Variants in LONRF2 observed in about 807,000 individuals in gnomAD.
LONRF2 encodes LON peptidase N-terminal domain and ring finger 2, also known as LON peptidase N-terminal domain and RING finger protein 2.
In LONRF2, 35 loss-of-function variants were observed where a neutral mutation model predicts 66.6. The observed-to-expected ratio is 0.53, with a 90% CI of 0.40 to 0.70. The LOEUF (loss-of-function observed/expected upper bound fraction) is 0.70. Ranked by LOEUF, LONRF2 falls within the 30% of genes least tolerant of loss-of-function variation. The pLI, the probability that LONRF2 is intolerant of heterozygous loss-of-function variation, is 0.00. For missense variants in LONRF2, 902 were observed against 1,002.1 expected (o/e 0.90, Z 1.35); for synonymous variants, 417 against 418.1 (o/e 1.00, Z 0.03).
In LONRF2 at chr2:100,276,032, T is replaced by C. The variant is rs2105705293; in HGVS notation, c.*8266A>G. 1 of 152,290 alleles carries C rather than the reference T, an allele frequency of 6.6e-6. No homozygotes were observed. Among genetic ancestry groups the C allele is most frequent in the Admixed American group, 6.5e-5 (1 of 15,302 alleles). The allele number at this position is 152,290 out of a possible 1,614,324, so 9.4% of individuals were successfully genotyped here. ...ATGCAGCTAAACGGAAGGTCCCTAA[T>C]CTGATCCAATTAGAAATCCAACGCT... On this transcript the variant is annotated 3_prime_UTR_variant, in exon 12 of 12. Transcript: ENST00000393437.
In LONRF2 at chr2:100,284,110, C is replaced by T. The variant is rs964876673; in HGVS notation, c.*188G>A. 1 of 554,112 alleles carries T rather than the reference C, an allele frequency of 1.8e-6. No individual in the cohort carries two copies. Among genetic ancestry groups the T allele is most frequent in the Non-Finnish European group, 3.1e-6 (1 of 317,986 alleles). 34.3% of individuals were successfully genotyped at this position (554,112 alleles called of 1,614,324 possible). A position where few individuals can be genotyped will look rare whatever the true frequency, so the allele number is the denominator to read the frequency against. On this transcript the variant is annotated 3_prime_UTR_variant, in exon 12 of 12. Coordinates refer to ENST00000393437, the MANE Select transcript of LONRF2 (RefSeq NM_198461.4). ...CTCCATTCAGACTTCAGGCTAACCT[C>T]ACACAAGGTCAGATCCCACCAGACA...
intron 10 of LONRF2, among the ~76,000 whole-genome samples, chr2:100,287,445 T>G (rs1257053118): frequency 2.6e-5 from 4 of 152,190 alleles, no homozygotes; most frequent in Non-Finnish European, 5.9e-5. Flanking sequence ...ATGGAAAAGT[T>G]GTTTTGTTTT....
intron 1 of LONRF2, among the ~76,000 whole-genome samples, chr2:100,313,053 T>A (rs1420938049): frequency 1.3e-5 from 2 of 152,344 alleles, no homozygotes; most frequent in East Asian, 3.9e-4. Context: ...AAAGAAGAGA[T>A]GTCTACCACA....
chr2:100,320,190 C>T (rs1419391629), intron 1 of LONRF2, among the ~76,000 whole-genome samples: 3 of 152,116 alleles, frequency 2.0e-5, no homozygotes, highest in Non-Finnish European at 4.4e-5. Context: ...TTTTTTCACC[C>T]TTTTAATGTA....
chr2:100,298,166 C>G (rs1054542742), intron 7 of LONRF2, among the ~76,000 whole-genome samples: 2 of 152,148 alleles, frequency 1.3e-5, no homozygotes, highest in African/African-American at 4.8e-5. Flanking sequence ...AGGACCACAG[C>G]CCAATACAGC....
rs1192551020 is a variant in LONRF2, at chr2:100,278,297, T to C, written c.*6001A>G. 2.0e-5 allele frequency: 3 copies of C among 152,292 alleles called. No individual in the cohort carries two copies. In the East Asian group the frequency reaches 5.8e-4, roughly 29 times the overall value. The allele number at this position is 152,292 out of a possible 1,614,324, so 9.4% of individuals were successfully genotyped here. A position where few individuals can be genotyped will look rare whatever the true frequency, so the allele number is the denominator to read the frequency against. Reference sequence around the variant, plus strand: ...CTTGTATATAAAAGCTCATTACATATTGGGGCCTTCCATAATGTTTCCCCC... The same window carrying C: ...CTTGTATATAAAAGCTCATTACATACTGGGGCCTTCCATAATGTTTCCCCC... On this transcript the variant is annotated 3_prime_UTR_variant, in exon 12 of 12. Transcript: ENST00000393437.
chr2:100,308,734 A>C (rs896252960), intron 2 of LONRF2, among the ~76,000 whole-genome samples: 1 of 152,232 alleles, frequency 6.6e-6, no homozygotes, highest in African/African-American at 2.4e-5. Flanking sequence ...GCATATTAGG[A>C]CCCAACAGCT....
intron 1 of LONRF2, among the ~76,000 whole-genome samples, chr2:100,320,108 A>T (rs1237569152): frequency 6.6e-6 from 1 of 152,238 alleles, no homozygotes; most frequent in African/African-American, 2.4e-5. Context: ...ATTATTTTTT[A>T]AAATTGAAGG....
chr2:100,291,930 A>C (rs573993206), intron 9 of LONRF2, among the ~76,000 whole-genome samples: 1 of 152,288 alleles, frequency 6.6e-6, no homozygotes, highest in East Asian at 1.9e-4. Flanking sequence ...CAAGCCCACA[A>C]AACACGGAGG....
chr2:100,300,027 G>GGC, intron 4 of LONRF2, 109 bp from the exon 5 acceptor site: 1 of 473,238 alleles, frequency 2.1e-6, no homozygotes, highest in Non-Finnish European at 3.7e-6. Flanking sequence ...AAAGGGGGGG[G>GGC]CATACACTCT....
chr2:100,276,091 C>G lies in LONRF2; in HGVS notation c.*8207G>C, dbSNP rs1216869350. ...AAAAATGTATACAACAAATTATATA[C>G]TAATATTACAAATAAATAAGATGTA... On this transcript the variant is annotated 3_prime_UTR_variant, in exon 12 of 12. Coordinates refer to ENST00000393437, the MANE Select transcript of LONRF2 (RefSeq NM_198461.4). 6.6e-6 allele frequency: 1 copy of G among 152,118 alleles called. No homozygotes were observed. Among genetic ancestry groups the G allele is most frequent in the Non-Finnish European group, 1.5e-5 (1 of 68,010 alleles). The allele number at this position is 152,118 out of a possible 1,614,324, so 9.4% of individuals were successfully genotyped here. A position where few individuals can be genotyped will look rare whatever the true frequency, so the allele number is the denominator to read the frequency against.
Position 100,315,717 on chromosome 2 carries a change from A to G in LONRF2, c.679+5698T>C, listed in dbSNP as rs548284629. ...CTTGCTACTGATGTGATATTCTTTA[A>G]GGGTATCAATGGATTCAGTTTGCTA... On this transcript the variant is annotated intron_variant, in intron 1 of 11. Coordinates refer to ENST00000393437, the MANE Select transcript of LONRF2 (RefSeq NM_198461.4). 3.9e-5 allele frequency among the ~76,000 whole-genome samples: 6 copies of G among 152,314 alleles called. No homozygotes were observed. The South Asian group carries it at 1.2e-3, about 32-fold the overall frequency.
At chr2:100,304,681 T>C (rs1291282538) in intron 2 of LONRF2, among the ~76,000 whole-genome samples, 3 of 144,220 alleles carry the variant, frequency 2.1e-5, no homozygotes, top group Non-Finnish European at 3.0e-5. Context: ...TGGCGTGCAG[T>C]GGTACAATCA....
Position 100,272,565 on chromosome 2 carries a change from A to G in LONRF2, c.*11733T>C, listed in dbSNP as rs1203389476. On this transcript the variant is annotated 3_prime_UTR_variant, in exon 12 of 12. Transcript: ENST00000393437. ...CAGAGTATGTAGGTTAAAAAAAAGAAAAAAAAAGATGGGAAAGGTATCATA... is the reference window on the plus strand; with the variant it reads ...CAGAGTATGTAGGTTAAAAAAAAGAGAAAAAAAGATGGGAAAGGTATCATA... 1.3e-5 allele frequency among the ~76,000 whole-genome samples: 2 copies of G among 152,108 alleles called. No individual in the cohort carries two copies. Among genetic ancestry groups the G allele is most frequent in the Non-Finnish European group, 2.9e-5 (2 of 68,014 alleles).
Position 100,290,432 on chromosome 2 carries a change from G to T in LONRF2, c.1758-12C>A. The T allele has an allele frequency of 6.3e-7, 1 of 1,596,458 alleles. No homozygotes were observed. Among genetic ancestry groups the T allele is most frequent in the Non-Finnish European group, 8.5e-7 (1 of 1,172,328 alleles). ...CATACTCTGAAAGCCTGAAAAGACA[G>T]TTAGGAGAAATGACTGTGATTTTTA... On this transcript the variant is annotated splice_polypyrimidine_tract_variant and intron_variant, in intron 9 of 11. Coordinates refer to ENST00000393437, the MANE Select transcript of LONRF2 (RefSeq NM_198461.4).
At position 100,278,192 on chromosome 2, in the gene LONRF2, T is replaced by G. The variant is rs577680161; in HGVS notation, c.*6106A>C. ...TCTCTCTTAATTTAGGGCCTTTCGG[T>G]TGACTCACACCTCACACAAACTTTA... On this transcript the variant is annotated 3_prime_UTR_variant, in exon 12 of 12. Transcript: ENST00000393437. The G allele has an allele frequency of 6.6e-6, 1 of 152,284 alleles. No individual in the cohort carries two copies. The highest frequency in any genetic ancestry group is 2.4e-5 in the African/African-American group (1 of 41,540). 9.4% of individuals were successfully genotyped at this position (152,284 alleles called of 1,614,324 possible).
In LONRF2 at chr2:100,272,563, G is replaced by GAAA. The variant is rs372123917; in HGVS notation, c.*11732_*11734dup. Among the ~76,000 whole-genome samples, 1 of 149,038 alleles carries GAAA rather than the reference G, an allele frequency of 6.7e-6. No homozygotes were observed. The highest frequency in any genetic ancestry group is 2.5e-5 in the African/African-American group (1 of 40,558). ...ACCAGAGTATGTAGGTTAAAAAAAA[G>GAAA]AAAAAAAAAGATGGGAAAGGTATCA... is the stretch of plus-strand genomic sequence containing the variant. On this transcript the variant is annotated 3_prime_UTR_variant, in exon 12 of 12. Transcript: ENST00000393437.
At chr2:100,318,692 A>G (rs746495831) in intron 1 of LONRF2, among the ~76,000 whole-genome samples, 1 of 151,878 alleles carries the variant, frequency 6.6e-6, no homozygotes. Flanking sequence ...AATACGAGGC[A>G]TGGTGGTGCA....
At chr2:100,308,135 T>C (rs1967340) in intron 2 of LONRF2, among the ~76,000 whole-genome samples, 77,018 of 151,744 alleles carry the variant, frequency 0.51, 19,888 homozygotes, top group East Asian at 0.76. Flanking sequence ...TTTGGGAGGC[T>C]GAGGCAGGCA....
Sources: gnomAD v4.1 joint callset for allele counts (sites outside exome capture counted in the v4.1 genomes callset) on GRCh38, gnomAD v4.1.1 for gene constraint, MANE v1.5 for transcripts, NCBI Gene and HGNC (gene_info 2026-07-23, HGNC 2026-07-21) for gene names.